LDAF1: variants seen among roughly 807,000 people sequenced by gnomAD.
LDAF1 encodes PROMETHIN.
Under a neutral mutation model 13.5 loss-of-function variants are expected in LDAF1, and 7 were observed. The ratio of observed to expected loss-of-function variants is 0.52; its 90% CI spans 0.29 to 0.97. The LOEUF (loss-of-function observed/expected upper bound fraction) is 0.97. LDAF1 is among the 50% of genes least tolerant of loss of function. The pLI, the probability that LDAF1 is intolerant of heterozygous loss-of-function variation, is 0.07. For synonymous variants in LDAF1, 69 were observed against 77.1 expected, an observed-to-expected ratio of 0.89 and a Z score of 0.55; for missense variants, 148 against 193.2, an observed-to-expected ratio of 0.77 and a Z score of 1.39.
intron 2 of LDAF1, among the ~76,000 whole-genome samples, chr16:21,168,061 C>T (rs986357343): frequency 6.7e-6 from 1 of 149,944 alleles, no homozygotes; most frequent in Admixed American, 6.7e-5. Context: ...GTCATCCAGG[C>T]TGGAGTGCAA....
At chr16:21,171,501 A>G (rs1597554441) in intron 3 of LDAF1, among the ~76,000 whole-genome samples, 1 of 152,182 alleles carries the variant, frequency 6.6e-6, no homozygotes, top group East Asian at 1.9e-4. Flanking sequence ...TGATAGATAG[A>G]TGGGTGAATG....
At chr16:21,175,243 C>G (rs993626259) in intron 4 of LDAF1, among the ~76,000 whole-genome samples, 8 of 152,350 alleles carry the variant, frequency 5.3e-5, no homozygotes, top group Admixed American at 1.3e-4. Context: ...AGCACTTGCT[C>G]TGTGCCAGGG....
intron 2 of LDAF1, chr16:21,169,304 C>CT (rs956413122): frequency 1.1e-3 from 308 of 273,926 alleles, no homozygotes; most frequent in East Asian, 6.4e-3. Context: ...TCTGCATTTC[C>CT]TTTTTTTTTC....
chr16:21,168,615 T>C (rs1305986616), intron 2 of LDAF1, among the ~76,000 whole-genome samples: 1 of 142,364 alleles, frequency 7.0e-6, no homozygotes, highest in Non-Finnish European at 1.5e-5. Context: ...ATATGAATAT[T>C]GATAACTAAT....
chr16:21,165,251 A>G (rs1386220380), intron 2 of LDAF1, among the ~76,000 whole-genome samples: 1 of 152,216 alleles, frequency 6.6e-6, no homozygotes, highest in African/African-American at 2.4e-5. Context: ...ACTTGAGGTC[A>G]GGAGTTCGAG....
intron 2 of LDAF1, among the ~76,000 whole-genome samples, chr16:21,168,092 G>T (rs2093043803): frequency 6.8e-6 from 1 of 146,134 alleles, no homozygotes; most frequent in African/African-American, 2.5e-5. Context: ...TTGGCTCACT[G>T]CAACCTCCGC....
chr16:21,169,875 C>T (rs1597550016), intron 2 of LDAF1, among the ~76,000 whole-genome samples: 2 of 151,304 alleles, frequency 1.3e-5, no homozygotes, highest in Admixed American at 1.3e-4. Context: ...AGATAGCTGC[C>T]TGGGTGACTC....
intron 4 of LDAF1, chr16:21,178,475 T>G: frequency 1.2e-6 from 1 of 813,012 alleles, no homozygotes; most frequent in Non-Finnish European, 1.5e-6. Flanking sequence ...ACAGGGAACT[T>G]TTTTTTATTG....
In LDAF1 at chr16:21,159,375, G is replaced by T; in HGVS notation, c.-99+629G>T. On this transcript the variant is annotated intron_variant, in intron 1 of 4. Transcript: ENST00000233047. ...CCTTGGGTCTCCCTGGCTTTTGAAC[G>T]CTGAAAGGCTGGGCCCGGATGGGGA... 3 of 1,614,032 alleles carry T rather than the reference G, an allele frequency of 1.9e-6. No homozygotes were observed. Among genetic ancestry groups the T allele is most frequent in the Non-Finnish European group, 2.5e-6 (3 of 1,180,014 alleles).
At chr16:21,170,745 A>G in intron 3 of LDAF1, 140 bp downstream of exon 3, 1 of 1,015,412 alleles carries the variant, frequency 9.8e-7, no homozygotes, top group Non-Finnish European at 1.4e-6. Context: ...GGCTCAAGTG[A>G]TCCTCCCACG....
intron 1 of LDAF1, chr16:21,159,484 C>A: frequency 1.3e-6 from 2 of 1,587,126 alleles, no homozygotes; most frequent in African/African-American, 1.3e-5. Context: ...CTTGAACTTT[C>A]GAGGTAGCCG....
rs150731603 is a variant in LDAF1, at chr16:21,179,536, G to T, written c.466G>T (p.Glu156Ter). The stretch of plus-strand genomic sequence containing the variant: ...GCCAGCCATGAAGTCTGCAGAATTC[G>T]AGGGGCTTTACCAGGAATGAGTGAC... ...FLPAMKSAEF[E>*]GLYQE Residue 156 changes from glutamate to a stop codon, truncating the protein, a stop_gained, in exon 5 of 5, where the codon GAG (glutamate) becomes TAG (stop). Transcript: ENST00000233047. LOFTEE classifies it high-confidence loss of function. 21 of 1,613,906 alleles carry T rather than the reference G, an allele frequency of 1.3e-5. No homozygotes were observed. The African/African-American group carries it at 2.8e-4, about 22-fold the overall frequency.
At chr16:21,167,326 G>A (rs1026830004) in intron 2 of LDAF1, among the ~76,000 whole-genome samples, 2 of 152,266 alleles carry the variant, frequency 1.3e-5, no homozygotes, top group Non-Finnish European at 2.9e-5. Flanking sequence ...CCGTAGGGAT[G>A]AGGCTCAGGA....
chr16:21,178,629 A>G (rs2141995), intron 4 of LDAF1, among the ~76,000 whole-genome samples: 125,443 of 152,134 alleles, frequency 0.82, 52,449 homozygotes, highest in East Asian at 1. Flanking sequence ...GCAGCTCCAG[A>G]TCTACCAGCT....
At position 21,179,886 on chromosome 16, in the gene LDAF1, T is replaced by C. The variant is rs1020206062; in HGVS notation, c.*330T>C. ...TCAGGGCTTATGTCCAACGGTCCCATTGGGAGCAACAGTGATTGTTTATAG... is the reference window on the plus strand; with the variant it reads ...TCAGGGCTTATGTCCAACGGTCCCACTGGGAGCAACAGTGATTGTTTATAG... On this transcript the variant is annotated 3_prime_UTR_variant, in exon 5 of 5. Transcript: ENST00000233047. 9.5e-6 allele frequency: 2 copies of C among 209,626 alleles called. No individual in the cohort carries two copies. The highest frequency in any genetic ancestry group is 2.3e-5 in the African/African-American group (1 of 43,142). 13.0% of individuals were successfully genotyped at this position (209,626 alleles called of 1,614,324 possible).
chr16:21,159,966 C>T, intron 1 of LDAF1: 3 of 985,242 alleles, frequency 3.0e-6, no homozygotes, highest in Non-Finnish European at 3.6e-6. Flanking sequence ...GGATTAGTCC[C>T]CTCCTCAACT....
chr16:21,170,695 G>C (rs146876450), intron 3 of LDAF1, 90 bp downstream of exon 3: 39 of 1,495,146 alleles, frequency 2.6e-5, no homozygotes, highest in Middle Eastern at 3.7e-4. Flanking sequence ...TTTAAGGGGC[G>C]GGGTCTTGTT....
chr16:21,171,742 C>A (rs2093090431), intron 3 of LDAF1, among the ~76,000 whole-genome samples: 1 of 146,026 alleles, frequency 6.8e-6, no homozygotes. Context: ...GTATTTAAAT[C>A]TTTTTTTTTT....
intron 1 of LDAF1, among the ~76,000 whole-genome samples, chr16:21,159,009 C>A (rs991959557): frequency 4.6e-5 from 7 of 151,754 alleles, no homozygotes; most frequent in African/African-American, 1.7e-4. Context: ...CCAACACACA[C>A]ACACATACAC....
Sources: gnomAD v4.1 joint callset for allele counts (sites outside exome capture counted in the v4.1 genomes callset) on GRCh38, gnomAD v4.1.1 for gene constraint, MANE v1.5 for transcripts, NCBI Gene and HGNC (gene_info 2026-07-23, HGNC 2026-07-21) for gene names.